Variants in DLG1 observed in about 807,000 individuals in gnomAD.
The protein encoded by DLG1 is disks large homolog 1.
DLG1 carries 42 observed loss-of-function variants against 123.4 expected under a neutral mutation model. The observed-to-expected ratio is 0.34, with a 90% CI of 0.27 to 0.44. DLG1 has a LOEUF of 0.44. Among genes scored for constraint, DLG1 ranks in the 20% least tolerant of loss-of-function variants. DLG1 has a pLI of 1.00. For synonymous variants in DLG1, 317 were observed against 356.2 expected (o/e 0.89, Z 1.24); for missense variants, 942 against 1,082.6 (o/e 0.87, Z 1.82).
At chr3:197,087,673 T>A (rs1219447120) in intron 15 of DLG1, among the ~76,000 whole-genome samples, 1 of 152,184 alleles carries the variant, frequency 6.6e-6, no homozygotes, top group Non-Finnish European at 1.5e-5. Flanking sequence ...GCTAATTAAA[T>A]TTAGCAGAAT....
At position 197,290,215 on chromosome 3, in the gene DLG1, A is replaced by C. The variant is rs140239394; in HGVS notation, c.151+6131T>G. On this transcript the variant is annotated intron_variant, in intron 3 of 24. Transcript: ENST00000667157. ...TGAAAGACACGGGAAAAAAAGAAGGAAGGCTCTTGTTTAGAATAAAATGCA... is the reference window on the plus strand; with the variant it reads ...TGAAAGACACGGGAAAAAAAGAAGGCAGGCTCTTGTTTAGAATAAAATGCA... Among the ~76,000 whole-genome samples, 949 of 152,326 alleles carry C rather than the reference A, an allele frequency of 6.2e-3. 10 individuals carry two copies. The highest frequency in any genetic ancestry group is 0.02 in the African/African-American group (850 of 41,566).
At chr3:197,265,626 G>A (rs1474622999) in intron 4 of DLG1, among the ~76,000 whole-genome samples, 4 of 152,076 alleles carry the variant, frequency 2.6e-5, no homozygotes, top group Non-Finnish European at 5.9e-5. Context: ...TCAAGGTGAG[G>A]AAAAAATCTT....
rs142962660 is a variant in DLG1, at chr3:197,145,394, G to T, written c.538-2626C>A. Reference sequence around the variant, plus strand: ...TTTAGTCCTTTGATTTTCTAAAAAAGATTTTTGAGTTGAATGCTCAATTTA... The same window carrying T: ...TTTAGTCCTTTGATTTTCTAAAAAATATTTTTGAGTTGAATGCTCAATTTA... On this transcript the variant is annotated intron_variant, in intron 6 of 24. Coordinates refer to ENST00000667157, the MANE Select transcript of DLG1 (RefSeq NM_001366207.1). Among the ~76,000 whole-genome samples, 378 of 152,110 alleles carry T rather than the reference G, an allele frequency of 2.5e-3. 2 individuals carry two copies. Among genetic ancestry groups the T allele is most frequent in the Middle Eastern group, 0.01 (3 of 294 alleles).
chr3:197,082,365 G>A (rs1245564176), intron 16 of DLG1, among the ~76,000 whole-genome samples: 2 of 151,574 alleles, frequency 1.3e-5, no homozygotes, highest in East Asian at 1.9e-4. Flanking sequence ...GCAAGACTCC[G>A]TCCCCCACCC....
At chr3:197,223,789 G>A (rs558773344) in intron 4 of DLG1, among the ~76,000 whole-genome samples, 1 of 152,140 alleles carries the variant, frequency 6.6e-6, no homozygotes, top group Non-Finnish European at 1.5e-5. Flanking sequence ...TTCCCAATGT[G>A]TATTCTTCTT....
At chr3:197,294,657 CAAAAA>C (rs71926647) in intron 3 of DLG1, among the ~76,000 whole-genome samples, 1 of 79,124 alleles carries the variant, frequency 1.3e-5, no homozygotes, top group Non-Finnish European at 2.4e-5. Flanking sequence ...GACTCTGCCT[CAAAAA>C]AAAAAAAAAA....
At chr3:197,168,820 C>A (rs966517147) in intron 5 of DLG1, among the ~76,000 whole-genome samples, 1 of 152,092 alleles carries the variant, frequency 6.6e-6, no homozygotes, top group African/African-American at 2.4e-5. Context: ...TTGTTTCTAT[C>A]CACAGCAACA....
At chr3:197,139,694 C>G (rs1786988313) in intron 8 of DLG1, among the ~76,000 whole-genome samples, 1 of 152,100 alleles carries the variant, frequency 6.6e-6, no homozygotes, top group African/African-American at 2.4e-5. Context: ...GATGTGTGAT[C>G]CTCTATCCTC....
At chr3:197,283,406 G>A (rs973182984) in intron 3 of DLG1, among the ~76,000 whole-genome samples, 5 of 151,982 alleles carry the variant, frequency 3.3e-5, no homozygotes, top group Non-Finnish European at 7.4e-5. Context: ...AAGGGCTTTC[G>A]GATATCCTCT....
chr3:197,060,034 G>T, intron 22 of DLG1, 36 bp from the exon 23 acceptor site: 1 of 1,462,172 alleles, frequency 6.8e-7, no homozygotes, highest in Non-Finnish European at 9.5e-7. Context: ...AAACAAGTGA[G>T]CCAAATATTC....
intron 14 of DLG1, among the ~76,000 whole-genome samples, chr3:197,097,408 A>G (rs1761176359): frequency 1.3e-5 from 2 of 152,098 alleles, no homozygotes; most frequent in Admixed American, 1.3e-4. Flanking sequence ...GTAGCTGTTA[A>G]TACCTTGTTT....
chr3:197,127,480 AT>A (rs1560878594), intron 11 of DLG1, among the ~76,000 whole-genome samples: 1,726 of 114,512 alleles, frequency 0.015, 89 homozygotes, highest in Middle Eastern at 0.03. Context: ...ATATATATAT[AT>A]ATATATATAT....
chr3:197,285,312 A>G (rs1430982481), intron 3 of DLG1, among the ~76,000 whole-genome samples: 1 of 152,116 alleles, frequency 6.6e-6, no homozygotes, highest in Non-Finnish European at 1.5e-5. Context: ...CAAGCCAAGA[A>G]ACATTTCTCA....
intron 4 of DLG1, among the ~76,000 whole-genome samples, chr3:197,240,677 TTAAAG>T (rs1171932319): frequency 1.3e-5 from 2 of 151,902 alleles, no homozygotes; most frequent in Admixed American, 6.6e-5. Context: ...TAAAAAGAGA[TTAAAG>T]TAATTTTTTA....
chr3:197,271,756 ATATC>A (rs1234948826), intron 4 of DLG1, among the ~76,000 whole-genome samples: 1 of 152,244 alleles, frequency 6.6e-6, no homozygotes, highest in Non-Finnish European at 1.5e-5. Context: ...ACACAGAAGA[ATATC>A]TAACTATTCT....
At chr3:197,231,091 G>A (rs1742732585) in intron 4 of DLG1, among the ~76,000 whole-genome samples, 1 of 152,166 alleles carries the variant, frequency 6.6e-6, no homozygotes, top group Non-Finnish European at 1.5e-5. Flanking sequence ...TCCAACAGAA[G>A]CGCCTAACAG....
chr3:197,124,396 T>A (rs941154201), intron 11 of DLG1, among the ~76,000 whole-genome samples: 5 of 152,104 alleles, frequency 3.3e-5, no homozygotes, highest in African/African-American at 1.2e-4. Context: ...TGCCTTAGCC[T>A]CCCGAGTAGT....
chr3:197,156,771 C>T (rs888094605), intron 5 of DLG1, among the ~76,000 whole-genome samples: 1 of 152,080 alleles, frequency 6.6e-6, no homozygotes. Flanking sequence ...AATTAACGCA[C>T]CTAATAGCAG....
At chr3:197,121,561 T>C (rs139397469) in intron 11 of DLG1, among the ~76,000 whole-genome samples, 2 of 152,206 alleles carry the variant, frequency 1.3e-5, no homozygotes, top group African/African-American at 4.8e-5. Flanking sequence ...TATTCTCTGT[T>C]AGATTCAACA....
Sources: allele counts gnomAD v4.1 joint callset (sites outside exome capture counted in the v4.1 genomes callset), GRCh38; gene constraint gnomAD v4.1.1; transcripts MANE v1.5; gene names NCBI Gene and HGNC (gene_info 2026-07-23, HGNC 2026-07-21).